The following DPYD variants were observed in gnomAD, a reference collection of about 807,000 sequenced individuals.
The protein encoded by DPYD is dihydropyrimidine dehydrogenase.
A neutral mutation model predicts 116.2 loss-of-function variants in DPYD; 109 were observed. The ratio of observed to expected loss-of-function variants is 0.94; its 90% CI spans 0.80 to 1.10. The LOEUF is 1.10. Ranked by LOEUF, DPYD falls within the 50% of genes least tolerant of loss-of-function variation. The probability of loss-of-function intolerance (pLI) is 0.00; values close to 1 mark genes in which losing one functional copy is unlikely to be tolerated. For missense variants in DPYD, 1,302 were observed against 1,254.5 expected, an observed-to-expected ratio of 1.04 and a Z score of -0.57; for synonymous variants, 440 against 432.0, an observed-to-expected ratio of 1.02 and a Z score of -0.23.
In DPYD at chr1:97,362,955, G is replaced by T. The variant is rs1192942477; in HGVS notation, c.2058+10606C>A. On this transcript the variant is annotated intron_variant, in intron 16 of 22. Transcript: ENST00000370192. ...AACAGAAGGCAAAATTGACAAATGG[G>T]ATCTAATTAAACTAAAGAGCTTCTG... is the stretch of plus-strand genomic sequence containing the variant. Among the ~76,000 whole-genome samples, 10 of 152,264 alleles carry T rather than the reference G, an allele frequency of 6.6e-5. No homozygotes were observed. The South Asian group carries it at 1.5e-3, about 22-fold the overall frequency.
intron 21 of DPYD, among the ~76,000 whole-genome samples, chr1:97,095,651 T>TAC (rs1197917849): frequency 1.3e-5 from 2 of 151,716 alleles, no homozygotes; most frequent in Non-Finnish European, 2.9e-5. Context: ...TATACATATA[T>TAC]ACACACACAC....
intron 13 of DPYD, among the ~76,000 whole-genome samples, chr1:97,456,458 T>A (rs61789172): frequency 0.025 from 3,809 of 152,144 alleles, 73 homozygotes; most frequent in Non-Finnish European, 0.039. Flanking sequence ...CTGTCTCAGT[T>A]CATATGATAG....
intron 12 of DPYD, among the ~76,000 whole-genome samples, chr1:97,520,122 T>A (rs1008669735): frequency 3.3e-5 from 5 of 152,204 alleles, no homozygotes; most frequent in Non-Finnish European, 5.9e-5. Flanking sequence ...TTATTAATGT[T>A]CATATAGAAC....
At chr1:97,820,173 C>T (rs1668848277) in intron 3 of DPYD, among the ~76,000 whole-genome samples, 1 of 152,042 alleles carries the variant, frequency 6.6e-6, no homozygotes, top group Admixed American at 6.6e-5. Flanking sequence ...AAATCATAAA[C>T]AGCTAAAATA....
intron 4 of DPYD, among the ~76,000 whole-genome samples, chr1:97,734,996 G>A (rs1172387514): frequency 6.6e-6 from 1 of 152,034 alleles, no homozygotes; most frequent in Non-Finnish European, 1.5e-5. Flanking sequence ...AGAAAAAGAG[G>A]GAAAATAATG....
intron 13 of DPYD, among the ~76,000 whole-genome samples, chr1:97,481,538 G>A (rs1416956947): frequency 6.6e-6 from 1 of 152,042 alleles, no homozygotes; most frequent in Admixed American, 6.6e-5. Context: ...CATCAAAAAA[G>A]TAATGGTTAA....
chr1:97,157,420 T>C (rs1392184950), intron 20 of DPYD, among the ~76,000 whole-genome samples: 1 of 152,176 alleles, frequency 6.6e-6, no homozygotes, highest in Non-Finnish European at 1.5e-5. Flanking sequence ...CTTTTTCTTA[T>C]TGGGAAGACT....
At chr1:97,598,189 T>A (rs1485277317) in intron 8 of DPYD, among the ~76,000 whole-genome samples, 17 of 152,144 alleles carry the variant, frequency 1.1e-4, no homozygotes, top group Non-Finnish European at 8.8e-5. Context: ...CATATGTAAA[T>A]CAAGTTCCAC....
intron 2 of DPYD, among the ~76,000 whole-genome samples, chr1:97,833,680 G>A (rs1669635191): frequency 6.6e-6 from 1 of 151,978 alleles, no homozygotes; most frequent in Non-Finnish European, 1.5e-5. Context: ...ATTCAGCAAC[G>A]ACGTTTTCAA....
At chr1:97,858,816 CATAAT>C (rs1394314637) in intron 2 of DPYD, among the ~76,000 whole-genome samples, 8 of 152,164 alleles carry the variant, frequency 5.3e-5, no homozygotes, top group African/African-American at 1.9e-4. Context: ...TAATAGTAGT[CATAAT>C]ATATGCTTAA....
intron 8 of DPYD, among the ~76,000 whole-genome samples, chr1:97,642,196 G>A (rs1286808465): frequency 5.9e-5 from 9 of 151,930 alleles, no homozygotes; most frequent in African/African-American, 1.5e-4. Flanking sequence ...GATTCAGTGC[G>A]ATCCTCATCA....
intron 9 of DPYD, among the ~76,000 whole-genome samples, chr1:97,593,771 C>T (rs971196873): frequency 6.6e-5 from 10 of 152,088 alleles, no homozygotes; most frequent in Non-Finnish European, 8.8e-5. Context: ...TCTGTGTTAA[C>T]GGTTTGCAAT....
At chr1:97,468,484 T>G (rs1570783068) in intron 13 of DPYD, among the ~76,000 whole-genome samples, 1 of 152,256 alleles carries the variant, frequency 6.6e-6, no homozygotes, top group East Asian at 1.9e-4. Context: ...GGGCATCATC[T>G]ATGTTAACAG....
In DPYD at chr1:97,725,128, C is replaced by T. The variant is rs981832443; in HGVS notation, c.322-3457G>A. Among the ~76,000 whole-genome samples, 5 of 151,360 alleles carry T rather than the reference C, an allele frequency of 3.3e-5. No individual in the cohort carries two copies. In the East Asian group the frequency reaches 5.8e-4, roughly 18 times the overall value. On this transcript the variant is annotated intron_variant, in intron 4 of 22. Transcript: ENST00000370192. ...ACTTACAGGATACAAGATTAAAATGCAAATTAATTGTATTTCAATATGTTA... is the reference window on the plus strand; with the variant it reads ...ACTTACAGGATACAAGATTAAAATGTAAATTAATTGTATTTCAATATGTTA...
chr1:97,570,759 A>G (rs1424673843), intron 11 of DPYD, among the ~76,000 whole-genome samples: 1 of 151,668 alleles, frequency 6.6e-6, no homozygotes, highest in African/African-American at 2.4e-5. Context: ...TAATGTACAC[A>G]TTCCTCACTT....
intron 10 of DPYD, among the ~76,000 whole-genome samples, chr1:97,585,253 C>T (rs1654012983): frequency 1.3e-5 from 2 of 152,022 alleles, no homozygotes; most frequent in Admixed American, 6.6e-5. Context: ...GTAATAAGTA[C>T]CCTATGTGAT....
intron 13 of DPYD, among the ~76,000 whole-genome samples, chr1:97,466,825 C>G (rs1451906957): frequency 2.6e-5 from 4 of 152,040 alleles, no homozygotes; most frequent in African/African-American, 9.7e-5. Flanking sequence ...TCTTTCAAAC[C>G]TTTTGGATTC....
At chr1:97,781,883 C>T (rs1187954945) in intron 3 of DPYD, among the ~76,000 whole-genome samples, 1 of 152,170 alleles carries the variant, frequency 6.6e-6, no homozygotes, top group African/African-American at 2.4e-5. Flanking sequence ...TCAATAACCA[C>T]ACCATGCATG....
intron 3 of DPYD, among the ~76,000 whole-genome samples, chr1:97,752,001 C>T (rs111387029): frequency 0.012 from 1,859 of 152,088 alleles, 38 homozygotes; most frequent in African/African-American, 0.042. Flanking sequence ...TCAGGCAGTC[C>T]GCCCACCTCA....
Sources: gnomAD v4.1 joint callset for allele counts (sites outside exome capture counted in the v4.1 genomes callset) on GRCh38, gnomAD v4.1.1 for gene constraint, MANE v1.5 for transcripts, NCBI Gene and HGNC (gene_info 2026-07-23, HGNC 2026-07-21) for gene names.